Variants in SNRPN observed in about 807,000 individuals in gnomAD.
SNRPN encodes small nuclear ribonucleoprotein polypeptide N.
In SNRPN, 7 loss-of-function variants were observed where a neutral mutation model predicts 25.2. That is an observed-to-expected ratio of 0.28 (90% CI 0.16 to 0.52). The LOEUF (loss-of-function observed/expected upper bound fraction) is 0.52, where lower values mean the gene tolerates loss of function less well. Among genes scored for constraint, SNRPN ranks in the 20% least tolerant of loss-of-function variants. The probability of loss-of-function intolerance (pLI) is 0.96; values close to 1 mark genes in which losing one functional copy is unlikely to be tolerated. For missense variants in SNRPN, 196 were observed against 322.5 expected (o/e 0.61, Z 3.00); for synonymous variants, 124 against 110.6 (o/e 1.12, Z -0.76).
chr15:24,834,751 C>CTCTCTCTCTCTCTATCTA, intron 2 of SNRPN, among the ~76,000 whole-genome samples: 1 of 60,956 alleles, frequency 1.6e-5, no homozygotes, highest in Non-Finnish European at 3.3e-5. Flanking sequence ...CTCTCTCTCT[C>CTCTCTCTCTCTCTATCTA]TATATATATA....
At chr15:24,897,670 C>T (rs975149504) in intron 2 of SNRPN, among the ~76,000 whole-genome samples, 3 of 152,150 alleles carry the variant, frequency 2.0e-5, no homozygotes, top group African/African-American at 7.2e-5. Flanking sequence ...ATAATTGAAA[C>T]ATGGGGGGTG....
At chr15:24,848,615 C>A (rs2052490470) in intron 2 of SNRPN, 1 of 152,112 alleles carries the variant, frequency 6.6e-6, no homozygotes, top group Admixed American at 6.5e-5. Flanking sequence ...GTATTAATAA[C>A]TTCAATGTCT....
At chr15:24,926,854 TG>T (rs2060417799) in intron 3 of SNRPN, among the ~76,000 whole-genome samples, 1 of 149,444 alleles carries the variant, frequency 6.7e-6, no homozygotes, top group African/African-American at 2.5e-5. Flanking sequence ...AAAAAAAAAA[TG>T]TAAAAGTTAG....
chr15:24,930,687 G>A (rs1238639576), intron 3 of SNRPN, among the ~76,000 whole-genome samples: 1 of 151,560 alleles, frequency 6.6e-6, no homozygotes, highest in Non-Finnish European at 1.5e-5. Context: ...GGATCCCGAG[G>A]TCAGGAGTTC....
intron 3 of SNRPN, among the ~76,000 whole-genome samples, chr15:24,930,054 G>A (rs183433158): frequency 2.5e-3 from 386 of 152,116 alleles, no homozygotes; most frequent in Middle Eastern, 6.8e-3. Flanking sequence ...GGGCGTGGTG[G>A]CAGGTGCCTG....
chr15:24,972,789 T>G (rs1187514467), intron 3 of SNRPN, among the ~76,000 whole-genome samples: 2 of 120,142 alleles, frequency 1.7e-5, no homozygotes, highest in Non-Finnish European at 3.3e-5. Flanking sequence ...ATTACGGTCA[T>G]GAGCTGCATT....
chr15:24,974,565 C>A, intron 4 of SNRPN, 109 bp downstream of exon 4: 1 of 1,010,690 alleles, frequency 9.9e-7, no homozygotes, highest in Non-Finnish European at 1.6e-6. Context: ...AATAAGGATA[C>A]ATCCATGGAT....
chr15:24,855,950 C>T (rs1416252348), upstream of SNRPN, among the ~76,000 whole-genome samples: 2 of 151,928 alleles, frequency 1.3e-5, no homozygotes, highest in African/African-American at 4.8e-5. Context: ...TTTATTTTTC[C>T]CTGTGGATAT....
At position 24,843,788 on chromosome 15, in the gene SNRPN, A is replaced by AACACACACACACACACAC. The variant is rs56693061; in HGVS notation, c.-579+13895_-579+13912dup. 5.9e-3 allele frequency among the ~76,000 whole-genome samples: 832 copies of AACACACACACACACACAC among 139,884 alleles called. 9 individuals are homozygous for AACACACACACACACACAC. Among genetic ancestry groups the AACACACACACACACACAC allele is most frequent in the Middle Eastern group, 0.019 (5 of 270 alleles). The allele number at this position is 139,884 out of a possible 152,430, so 91.8% of individuals were successfully genotyped here. ...GATGACAGAGTGAGACTCCATCACAAACACACACACACACACACACACACA... is the reference window on the plus strand; with the variant it reads ...GATGACAGAGTGAGACTCCATCACAAACACACACACACACACACACACACACACACACACACACACACA... On this transcript the variant is annotated intron_variant, in intron 2 of 12. Coordinates refer to the SNRPN transcript ENST00000400100.
intron 3 of SNRPN, among the ~76,000 whole-genome samples, chr15:24,935,285 G>A (rs2061151056): frequency 2.0e-5 from 3 of 149,452 alleles, no homozygotes; most frequent in South Asian, 4.2e-4. Flanking sequence ...AAAAAAAAAA[G>A]TTCGATTTTT....
chr15:24,918,382 TAA>T lies in SNRPN; in HGVS notation c.-504-1628_-504-1627del, dbSNP rs1293571939. Among the ~76,000 whole-genome samples the T allele has an allele frequency of 7.0e-5, 8 of 113,670 alleles. 1 individual carries two copies. Among genetic ancestry groups the T allele is most frequent in the Non-Finnish European group, 1.1e-4 (6 of 55,808 alleles). 74.6% of individuals were successfully genotyped at this position (113,670 alleles called of 152,430 possible). A position where few individuals can be genotyped will look rare whatever the true frequency, so the allele number is the denominator to read the frequency against. ...TATATATATGTGTATATATATAACA[TAA>T]TATATATGTGTATATATATAACATA... On this transcript the variant is annotated intron_variant, in intron 2 of 11. Coordinates refer to the SNRPN transcript ENST00000400097.
chr15:24,873,977 A>C (rs998148208), intron 1 of SNRPN, among the ~76,000 whole-genome samples: 1 of 151,132 alleles, frequency 6.6e-6, no homozygotes, highest in African/African-American at 2.4e-5. Flanking sequence ...CATTCACTCC[A>C]TGAGAAAAAA....
At chr15:24,917,864 C>A (rs921362364) in intron 2 of SNRPN, among the ~76,000 whole-genome samples, 2 of 152,156 alleles carry the variant, frequency 1.3e-5, no homozygotes, top group African/African-American at 4.8e-5. Context: ...AGCCAACTTC[C>A]CTATTAATCT....
At chr15:24,896,311 C>A (rs1036886367) in intron 2 of SNRPN, among the ~76,000 whole-genome samples, 1 of 152,112 alleles carries the variant, frequency 6.6e-6, no homozygotes. Context: ...AAGAACCTGC[C>A]AATAGCATGT....
chr15:24,911,846 G>C (rs1382878748), intron 2 of SNRPN, among the ~76,000 whole-genome samples: 1 of 152,176 alleles, frequency 6.6e-6, no homozygotes, highest in Non-Finnish European at 1.5e-5. Context: ...GGAGCCATAG[G>C]GACAGGGCCA....
intron 2 of SNRPN, among the ~76,000 whole-genome samples, chr15:24,902,536 A>C (rs2058528547): frequency 6.6e-6 from 1 of 152,160 alleles, no homozygotes; most frequent in Admixed American, 6.5e-5. Flanking sequence ...TGACTTCAAG[A>C]ATGAAGCCGT....
intron 3 of SNRPN, among the ~76,000 whole-genome samples, chr15:24,948,258 T>G (rs1256096802): frequency 3.3e-5 from 5 of 152,000 alleles, no homozygotes; most frequent in African/African-American, 9.7e-5. Flanking sequence ...GGACTACAGA[T>G]GCATGCCACC....
intron 1 of SNRPN, among the ~76,000 whole-genome samples, chr15:24,957,085 C>G (rs1411463271): frequency 6.6e-6 from 1 of 152,004 alleles, no homozygotes; most frequent in African/African-American, 2.4e-5. Flanking sequence ...TTGTTAACCC[C>G]TTTTTTTTAA....
chr15:24,865,113 C>T (rs1342920173), intron 1 of SNRPN, among the ~76,000 whole-genome samples: 1 of 149,028 alleles, frequency 6.7e-6, no homozygotes, highest in East Asian at 2.0e-4. Flanking sequence ...ATGGTACCAT[C>T]GTGGCTCACT....
Sources: allele counts gnomAD v4.1 joint callset (sites outside exome capture counted in the v4.1 genomes callset), GRCh38; gene constraint gnomAD v4.1.1; transcripts MANE v1.5; gene names NCBI Gene and HGNC (gene_info 2026-07-23, HGNC 2026-07-21).